Variants in PWWP2A observed in about 807,000 individuals in gnomAD.
PWWP2A encodes PWWP domain containing 2A, also known as PWWP domain-containing protein 2A.
Under a neutral mutation model 48.5 loss-of-function variants are expected in PWWP2A, and 18 were observed. The observed-to-expected ratio is 0.37, with a 90% CI of 0.26 to 0.55. The LOEUF (loss-of-function observed/expected upper bound fraction) is 0.55. Among genes scored for constraint, PWWP2A ranks in the 20% least tolerant of loss-of-function variants. PWWP2A has a pLI of 0.81. For synonymous variants in PWWP2A, 396 were observed against 387.7 expected (o/e 1.02, Z -0.25); for missense variants, 867 against 976.4 (o/e 0.89, Z 1.49).
chr5:160,056,071 C>G, the PWWP2A span, among the ~76,000 whole-genome samples: 1 of 152,196 alleles, frequency 6.6e-6, no homozygotes, highest in Non-Finnish European at 1.5e-5. Context: ...TCTGACCATT[C>G]CATGCTCTTC....
At position 160,078,796 on chromosome 5, in the gene PWWP2A, A is replaced by G. The variant is rs549700174; in HGVS notation, c.1670-628T>C. On this transcript the variant is annotated intron_variant, in intron 3 of 3. Coordinates refer to the PWWP2A transcript ENST00000456329. The surrounding 1 kb of genome is among the most constrained non-coding windows in gnomAD (Gnocchi z 4.2). ...AGAAGACAACACATGTACACTGGTTAGACGGACCAGTATCCCTTGTTACAC... is the reference window on the plus strand; with the variant it reads ...AGAAGACAACACATGTACACTGGTTGGACGGACCAGTATCCCTTGTTACAC... Among the ~76,000 whole-genome samples, 1 of 152,346 alleles carries G rather than the reference A, an allele frequency of 6.6e-6. No homozygotes were observed. The highest frequency in any genetic ancestry group is 6.5e-5 in the Admixed American group (1 of 15,298).
downstream of PWWP2A, among the ~76,000 whole-genome samples, chr5:160,060,862 C>T (rs1753364807): frequency 6.6e-6 from 1 of 152,222 alleles, no homozygotes; most frequent in Non-Finnish European, 1.5e-5. Context: ...ACTGACCACA[C>T]TCTGGCTTCA....
At chr5:160,104,700 G>A (rs1355630436) in intron 1 of PWWP2A, among the ~76,000 whole-genome samples, 3 of 152,112 alleles carry the variant, frequency 2.0e-5, no homozygotes, top group Non-Finnish European at 2.9e-5. Context: ...AGCTACTCAT[G>A]AGGCTGGCGC....
At chr5:160,087,924 C>T (rs186919703), downstream of PWWP2A, among the ~76,000 whole-genome samples, 2 of 152,286 alleles carry the variant, frequency 1.3e-5, no homozygotes, top group Non-Finnish European at 2.9e-5. Flanking sequence ...CCAAAATACC[C>T]TGGAAAACTA....
intron 4 of PWWP2A, chr5:160,065,039 G>T: frequency 6.2e-7 from 1 of 1,611,826 alleles, no homozygotes; most frequent in South Asian, 1.1e-5. Context: ...CATCAATTTC[G>T]TTCAAAATCC....
intron 4 of PWWP2A, chr5:160,065,674 G>A (rs1410690945): frequency 3.6e-6 from 1 of 276,492 alleles, no homozygotes; most frequent in Non-Finnish European, 7.1e-6. Context: ...CAAAGTTTTT[G>A]TTGCCTTGAA....
chr5:160,065,005 G>A (rs1262757869), intron 4 of PWWP2A: 2 of 1,613,912 alleles, frequency 1.2e-6, no homozygotes. Flanking sequence ...AGATCAAACA[G>A]GATTCCTCTA....
chr5:160,109,007 A>G (rs1389887296), intron 1 of PWWP2A, among the ~76,000 whole-genome samples: 2 of 151,734 alleles, frequency 1.3e-5, no homozygotes, highest in Non-Finnish European at 3.0e-5. Context: ...GTCTTCAGAT[A>G]GAGTCTCACT....
At chr5:160,098,859 T>G (rs1755957911) in intron 1 of PWWP2A, among the ~76,000 whole-genome samples, 1 of 152,068 alleles carries the variant, frequency 6.6e-6, no homozygotes, top group Non-Finnish European at 1.5e-5. Context: ...TCCCAGTTAC[T>G]CAGGAGGCCG....
chr5:160,045,082 G>C, the PWWP2A span, among the ~76,000 whole-genome samples: 1 of 152,170 alleles, frequency 6.6e-6, no homozygotes, highest in Non-Finnish European at 1.5e-5. Context: ...GTGAGGATGT[G>C]TGGGTTTGGG....
chr5:160,100,213 A>C (rs1756126805), intron 1 of PWWP2A, among the ~76,000 whole-genome samples: 3 of 152,098 alleles, frequency 2.0e-5, no homozygotes, highest in Admixed American at 6.5e-5. Flanking sequence ...AGGCAGGAGA[A>C]CGGTTTAAGC....
the PWWP2A span, among the ~76,000 whole-genome samples, chr5:160,053,516 A>G: frequency 1.3e-5 from 2 of 152,302 alleles, no homozygotes; most frequent in African/African-American, 2.4e-5. Flanking sequence ...GTGAGCCACA[A>G]TGATGCCACT....
intron 2 of PWWP2A, among the ~76,000 whole-genome samples, chr5:160,069,714 TAATAAA>T (rs1224077439): frequency 6.6e-6 from 1 of 152,028 alleles, no homozygotes; most frequent in Non-Finnish European, 1.5e-5. Context: ...AATAAATACA[TAATAAA>T]AATAAAAAGC....
At position 160,093,935 on chromosome 5, in the gene PWWP2A, C is replaced by G. The variant is rs374524915; in HGVS notation, c.715G>C (p.Val239Leu). ...GGGACAGGAGAAGGGTCATCGGGAA[C>G]AGCACCATTTGCTTCACACTTGACT... ...TEVKCEANGA[V>L]PDDPSPVPHP... The change falls in exon 2 of 2, where the codon GTT (valine) becomes CTT (leucine). Residue 239 changes from valine (V) to leucine (L), a missense_variant. Val to Leu is a conservative substitution (Grantham distance 32, BLOSUM62 1). Transcript: ENST00000307063. The surrounding 1 kb of genome is among the most constrained non-coding windows in gnomAD (Gnocchi z 5.8). 64 of 1,613,938 alleles carry G rather than the reference C, an allele frequency of 4.0e-5. No individual in the cohort carries two copies. The highest frequency in any genetic ancestry group is 5.3e-5 in the Non-Finnish European group (62 of 1,179,908).
In PWWP2A at chr5:160,092,587, C is replaced by T. The variant is rs1389269307; in HGVS notation, c.2063G>A (p.Arg688Gln). The T allele has an allele frequency of 2.2e-5, 34 of 1,551,498 alleles. No homozygotes were observed. In the East Asian group the frequency reaches 3.7e-4, roughly 17 times the overall value. Residue 688 changes from arginine to glutamine, a missense_variant, in exon 2 of 2, where the codon CGA becomes CAA. By Grantham distance (43) the Arg-to-Gln change is conservative (BLOSUM62 1). Coordinates refer to ENST00000307063, the MANE Select transcript of PWWP2A (RefSeq NM_001130864.2). ...VSRKDNGLLV[R>Q]QEARISWFGS... ...AAACCATGAAATACGGGCCTCCTGT[C>T]GGACTAAAAGGCCGTTATCTTTCCG...
chr5:160,113,346 C>T, intron 1 of PWWP2A: 5 of 982,112 alleles, frequency 5.1e-6, no homozygotes, highest in Non-Finnish European at 6.0e-6. Flanking sequence ...AATAATAATA[C>T]AACAGGGAGG....
intron 1 of PWWP2A, among the ~76,000 whole-genome samples, chr5:160,115,137 CAAAAAAAAAA>C (rs535110852): frequency 4.6e-4 from 41 of 88,430 alleles, no homozygotes; most frequent in African/African-American, 1.7e-3. Context: ...GAGACTCTGT[CAAAAAAAAAA>C]AAAAAAAAAA....
intron 3 of PWWP2A, chr5:160,066,701 T>G (rs958824066): frequency 6.6e-6 from 1 of 152,154 alleles, no homozygotes; most frequent in Non-Finnish European, 1.5e-5. Flanking sequence ...AGTGTTAAAG[T>G]AATCCCTTTG....
downstream of PWWP2A, among the ~76,000 whole-genome samples, chr5:160,061,357 C>T (rs755822038): frequency 9.8e-5 from 15 of 152,318 alleles, no homozygotes; most frequent in South Asian, 6.2e-4. Context: ...TCCTGACTCT[C>T]GTAGCATTTT....
Sources: allele counts gnomAD v4.1 joint callset (sites outside exome capture counted in the v4.1 genomes callset), GRCh38; gene constraint gnomAD v4.1.1; non-coding constraint Gnocchi (gnomAD v3.1); transcripts MANE v1.5; gene names NCBI Gene and HGNC (gene_info 2026-07-23, HGNC 2026-07-21).